The following TLL1 variants were observed in gnomAD, a reference collection of about 807,000 sequenced individuals.
TLL1 encodes tolloid like 1.
TLL1 carries 49 observed loss-of-function variants against 128.2 expected under a neutral mutation model. The observed-to-expected ratio is 0.38, with a 90% CI of 0.30 to 0.48. TLL1 has a LOEUF of 0.48. Among genes scored for constraint, TLL1 ranks in the 20% least tolerant of loss-of-function variants. TLL1 has a pLI of 0.96. For synonymous variants in TLL1, 454 were observed against 418.8 expected (o/e 1.08, Z -1.03); for missense variants, 1,123 against 1,242.0 (o/e 0.90, Z 1.44).
At chr4:165,952,912 G>A (rs1053103495) in intron 1 of TLL1, among the ~76,000 whole-genome samples, 8 of 152,112 alleles carry the variant, frequency 5.3e-5, no homozygotes, top group African/African-American at 1.7e-4. Flanking sequence ...AAAACTTGAG[G>A]TGTTATATAG....
At chr4:165,997,883 T>C (rs1286528859) in intron 5 of TLL1, among the ~76,000 whole-genome samples, 4 of 152,198 alleles carry the variant, frequency 2.6e-5, no homozygotes, top group Non-Finnish European at 4.4e-5. Context: ...TGATTCATCT[T>C]CAGTGGGACA....
rs764740224 is a variant in TLL1, at chr4:166,060,095, C to T, written c.1914C>T (p.Tyr638=). 1.2e-6 allele frequency: 2 copies of T among 1,613,574 alleles called. No homozygotes were observed. The highest frequency in any genetic ancestry group is 2.2e-5 in the East Asian group (1 of 44,792). ...TITTPGWPKE[Y]PPNKNCVWQV... ...CCACCCCTGGCTGGCCCAAGGAGTA[C>T]CCTCCTAATAAGAACTGTGTGTGGC... The change falls in exon 15 of 21, where the codon TAC becomes TAT. Residue 638 remains tyrosine (Y), a synonymous_variant. Coordinates refer to ENST00000061240, the MANE Select transcript of TLL1 (RefSeq NM_012464.5).
chr4:166,082,590 A>G (rs889023178), intron 18 of TLL1, among the ~76,000 whole-genome samples: 1 of 152,178 alleles, frequency 6.6e-6, no homozygotes, highest in African/African-American at 2.4e-5. Context: ...TTTATAATAC[A>G]GGAAATTTCA....
chr4:166,028,595 A>G (rs1050420113), intron 9 of TLL1, among the ~76,000 whole-genome samples: 2 of 152,002 alleles, frequency 1.3e-5, no homozygotes, highest in African/African-American at 4.8e-5. Flanking sequence ...TCACTATGGT[A>G]GATTTGTTAA....
intron 1 of TLL1, among the ~76,000 whole-genome samples, chr4:165,905,815 A>G (rs1304607292): frequency 6.6e-6 from 1 of 152,218 alleles, no homozygotes; most frequent in East Asian, 1.9e-4. Flanking sequence ...GTTAAAACAA[A>G]CATTAGGATT....
chr4:166,030,847 T>G (rs1321668018), intron 9 of TLL1: 2 of 998,630 alleles, frequency 2.0e-6, no homozygotes, highest in Non-Finnish European at 2.4e-6. Flanking sequence ...AGCGTTTTTG[T>G]TTTTTTCTGT....
At chr4:165,952,840 C>T (rs1019254073) in intron 1 of TLL1, among the ~76,000 whole-genome samples, 35 of 151,958 alleles carry the variant, frequency 2.3e-4, no homozygotes, top group African/African-American at 8.2e-4. Flanking sequence ...ATTTTTCCTT[C>T]AAATTATAAT....
chr4:165,932,423 T>A (rs1236118285), intron 1 of TLL1, among the ~76,000 whole-genome samples: 1 of 152,212 alleles, frequency 6.6e-6, no homozygotes, highest in Admixed American at 6.5e-5. Context: ...ATACCATTTT[T>A]GCAAAGTTCT....
At chr4:166,036,510 A>G (rs1739008742) in intron 9 of TLL1, among the ~76,000 whole-genome samples, 1 of 152,178 alleles carries the variant, frequency 6.6e-6, no homozygotes, top group Non-Finnish European at 1.5e-5. Flanking sequence ...AAAATAACAT[A>G]ATGTAAAACA....
rs201983943 is a variant in TLL1 at position 165,874,120 on chromosome 4, C to A, written c.169+47C>A. ...GACGGTGGCGCGCCGGGGGCCGCTGCGCTGGGTTTCCCATGGGTGGCGGTG... is the reference window on the plus strand; with the variant it reads ...GACGGTGGCGCGCCGGGGGCCGCTGAGCTGGGTTTCCCATGGGTGGCGGTG... On this transcript the variant is annotated intron_variant, in intron 1 of 20. Transcript: ENST00000061240. The A allele has an allele frequency of 6.0e-5, 97 of 1,611,248 alleles. 2 individuals carry two copies. In the African/African-American group the frequency reaches 1.1e-3, roughly 18 times the overall value.
intron 8 of TLL1, among the ~76,000 whole-genome samples, chr4:166,015,241 CA>C (rs1737880400): frequency 6.6e-6 from 1 of 151,956 alleles, no homozygotes; most frequent in African/African-American, 2.4e-5. Context: ...AGCAAAGAAA[CA>C]TGTTTAACTT....
intron 1 of TLL1, among the ~76,000 whole-genome samples, chr4:165,950,549 A>T (rs958040367): frequency 5.3e-5 from 8 of 152,142 alleles, no homozygotes; most frequent in South Asian, 2.1e-4. Context: ...TAAAAAATCG[A>T]AATTATTCAA....
At chr4:165,948,668 T>C (rs1288747953) in intron 1 of TLL1, among the ~76,000 whole-genome samples, 1 of 152,102 alleles carries the variant, frequency 6.6e-6, no homozygotes. Context: ...TTTGTGATAA[T>C]CCATTAATGC....
chr4:166,096,891 G>T (rs1468974989), intron 19 of TLL1, among the ~76,000 whole-genome samples: 1 of 151,998 alleles, frequency 6.6e-6, no homozygotes, highest in Non-Finnish European at 1.5e-5. Context: ...GATTAATAGT[G>T]CTTTAAATTG....
At chr4:165,876,613 A>G (rs1345147954) in intron 1 of TLL1, among the ~76,000 whole-genome samples, 1 of 152,208 alleles carries the variant, frequency 6.6e-6, no homozygotes, top group Non-Finnish European at 1.5e-5. Context: ...GGTGTTCACA[A>G]CAGCTCAATA....
chr4:166,068,914 T>A (rs1242620508), intron 16 of TLL1, among the ~76,000 whole-genome samples: 1 of 151,804 alleles, frequency 6.6e-6, no homozygotes, highest in Non-Finnish European at 1.5e-5. Flanking sequence ...TCTACACAGC[T>A]AAGCATACAG....
intron 18 of TLL1, among the ~76,000 whole-genome samples, chr4:166,086,829 T>C (rs945744599): frequency 6.6e-6 from 1 of 152,156 alleles, no homozygotes; most frequent in African/African-American, 2.4e-5. Context: ...TTTTAAGGCA[T>C]TAAATGTTTG....
chr4:166,017,211 T>G (rs1483857821), intron 8 of TLL1, among the ~76,000 whole-genome samples: 1 of 152,196 alleles, frequency 6.6e-6, no homozygotes, highest in East Asian at 1.9e-4. Flanking sequence ...GTTCCTAAGT[T>G]AATTCACTTC....
intron 1 of TLL1, among the ~76,000 whole-genome samples, chr4:165,918,121 A>G (rs1224116671): frequency 6.6e-6 from 1 of 152,216 alleles, no homozygotes; most frequent in Admixed American, 6.5e-5. Context: ...AGTAATGTAC[A>G]TGTAAGATAA....
Sources: gnomAD v4.1 joint callset for allele counts (sites outside exome capture counted in the v4.1 genomes callset) on GRCh38, gnomAD v4.1.1 for gene constraint, MANE v1.5 for transcripts, NCBI Gene and HGNC (gene_info 2026-07-23, HGNC 2026-07-21) for gene names.